BAG4: variants seen among roughly 807,000 people sequenced by gnomAD.
BAG4 encodes the protein BAG family molecular chaperone regulator 4.
BAG4 carries 28 observed loss-of-function variants against 52.1 expected under a neutral mutation model. The ratio of observed to expected loss-of-function variants is 0.54; its 90% CI spans 0.40 to 0.74. BAG4 has a LOEUF of 0.74. Ranked by LOEUF, BAG4 falls within the 30% of genes least tolerant of loss-of-function variation. The probability of loss-of-function intolerance (pLI) is 0.00; values close to 1 mark genes in which losing one functional copy is unlikely to be tolerated. For missense variants in BAG4, 525 were observed against 572.0 expected, an observed-to-expected ratio of 0.92 and a Z score of 0.84; for synonymous variants, 208 against 217.0, an observed-to-expected ratio of 0.96 and a Z score of 0.37.
intron 1 of BAG4, among the ~76,000 whole-genome samples, chr8:38,183,036 CTTTTTTT>C (rs539995423): frequency 1.0e-5 from 1 of 100,102 alleles, no homozygotes; most frequent in Non-Finnish European, 2.1e-5. Flanking sequence ...ACTGACCCAT[CTTTTTTT>C]TTTTTTTTTT....
At chr8:38,185,586 C>T (rs539724128) in intron 1 of BAG4, among the ~76,000 whole-genome samples, 3 of 152,208 alleles carry the variant, frequency 2.0e-5, no homozygotes, top group Admixed American at 1.3e-4. Flanking sequence ...GACAGAGTCT[C>T]GCTCTGTCAC....
chr8:38,187,059 A>G (rs527577057), intron 1 of BAG4, among the ~76,000 whole-genome samples: 53 of 152,344 alleles, frequency 3.5e-4, no homozygotes, highest in African/African-American at 1.2e-3. Context: ...AAGACACAGG[A>G]AAGTATGACC....
intron 1 of BAG4, among the ~76,000 whole-genome samples, chr8:38,187,261 TA>T (rs1803378283): frequency 1.3e-5 from 2 of 152,256 alleles, no homozygotes; most frequent in South Asian, 4.1e-4. Flanking sequence ...ATAGCAATTA[TA>T]TATTAAAAAA....
chr8:38,187,659 A>G (rs983884474), intron 1 of BAG4, among the ~76,000 whole-genome samples: 2 of 152,254 alleles, frequency 1.3e-5, no homozygotes, highest in African/African-American at 4.8e-5. Flanking sequence ...AGACTTATAT[A>G]GGAATAGCAT....
intron 1 of BAG4, among the ~76,000 whole-genome samples, 191 bp from the exon 2 acceptor site, chr8:38,192,497 A>G (rs1279026543): frequency 6.6e-6 from 1 of 151,730 alleles, no homozygotes; most frequent in Non-Finnish European, 1.5e-5. Context: ...AGACTCAATC[A>G]CCTGAGCTCA....
intron 1 of BAG4, among the ~76,000 whole-genome samples, chr8:38,182,827 C>T (rs913052720): frequency 2.0e-5 from 3 of 151,912 alleles, no homozygotes; most frequent in Non-Finnish European, 2.9e-5. Flanking sequence ...AAGACAAAGA[C>T]ATTATTTTTT....
rs1180491940 is a variant in BAG4, at chr8:38,209,155, C to T, written c.776C>T (p.Ser259Leu). The T allele has an allele frequency of 1.2e-6, 2 of 1,614,170 alleles. No homozygotes were observed. The highest frequency in any genetic ancestry group is 1.7e-6 in the Non-Finnish European group (2 of 1,180,042). Residue 259 changes from serine to leucine, a missense_variant, in exon 4 of 5, where the codon TCA becomes TTA. Coordinates refer to ENST00000287322, the MANE Select transcript of BAG4 (RefSeq NM_004874.4). ...ATGGGTGGCCGTTATCCCTGGCCTT[C>T]ATCAGCGCCCTCAGCACCACCCGGC... ...YGMGGRYPWP[S>L]SAPSAPPGNL...
At chr8:38,195,750 T>C (rs1347941649) in intron 2 of BAG4, among the ~76,000 whole-genome samples, 3 of 152,224 alleles carry the variant, frequency 2.0e-5, no homozygotes, top group Admixed American at 6.5e-5. Flanking sequence ...TATTGCTAAA[T>C]GTTACATAGT....
At chr8:38,198,494 G>GTTT (rs368761607) in intron 2 of BAG4, among the ~76,000 whole-genome samples, 2 of 106,790 alleles carry the variant, frequency 1.9e-5, no homozygotes, top group African/African-American at 3.6e-5. Flanking sequence ...TTTGTTTTTT[G>GTTT]TTTTTTTTTT....
At chr8:38,188,647 GTATACATATATACA>G (rs1294293254) in intron 1 of BAG4, among the ~76,000 whole-genome samples, 1 of 304 alleles carries the variant, frequency 3.3e-3, no homozygotes, top group African/African-American at 7.4e-3. Context: ...ATATATACAT[GTATACATATATACA>G]TGTATACATA....
chr8:38,191,238 T>C (rs117380772), intron 1 of BAG4, among the ~76,000 whole-genome samples: 1 of 152,284 alleles, frequency 6.6e-6, no homozygotes, highest in East Asian at 1.9e-4. Context: ...GCAACTATAA[T>C]ACCCGCATAA....
chr8:38,188,512 C>A, intron 1 of BAG4, among the ~76,000 whole-genome samples: 1 of 151,114 alleles, frequency 6.6e-6, no homozygotes. Context: ...CACATGTATC[C>A]CAAAAATATG....
intron 2 of BAG4, among the ~76,000 whole-genome samples, chr8:38,205,844 T>TA (rs1419921512): frequency 2.6e-5 from 4 of 152,148 alleles, no homozygotes; most frequent in African/African-American, 9.7e-5. Flanking sequence ...TTTTAAAGGG[T>TA]AAAGTAGAAA....
At chr8:38,195,637 A>G in intron 2 of BAG4, among the ~76,000 whole-genome samples, 1 of 152,190 alleles carries the variant, frequency 6.6e-6, no homozygotes, top group East Asian at 1.9e-4. Context: ...TTGATCAGAG[A>G]TAATGGAATG....
At chr8:38,204,697 AT>A (rs1371722689) in intron 2 of BAG4, among the ~76,000 whole-genome samples, 3 of 152,102 alleles carry the variant, frequency 2.0e-5, no homozygotes, top group African/African-American at 7.2e-5. Flanking sequence ...AAGAAAAAAA[AT>A]AAACAACAAA....
chr8:38,177,031 G>A lies in BAG4; in HGVS notation c.162G>A (p.Gly54=). 1.2e-6 allele frequency: 2 copies of A among 1,604,526 alleles called. No individual in the cohort carries two copies. The highest frequency in any genetic ancestry group is 1.7e-6 in the Non-Finnish European group (2 of 1,175,866). ...CTCCCATTTCCTGGCGGGTGCGCGG[G>A]GGCGGCCCGGCGGAGACCACCTGGC... ...PQPPISWRVR[G]GGPAETTWLG... is the part of the protein sequence containing the mutation. The change falls in exon 1 of 5, where the codon GGG becomes GGA. Residue 54 remains glycine, a synonymous_variant. Coordinates refer to ENST00000287322, the MANE Select transcript of BAG4 (RefSeq NM_004874.4).
chr8:38,198,876 C>G (rs1223622636), intron 2 of BAG4, among the ~76,000 whole-genome samples: 3 of 152,078 alleles, frequency 2.0e-5, no homozygotes, highest in African/African-American at 7.2e-5. Context: ...TCATCAGTAT[C>G]ACTGTCTTTC....
At chr8:38,205,289 A>G (rs1043025466) in intron 2 of BAG4, among the ~76,000 whole-genome samples, 3 of 143,944 alleles carry the variant, frequency 2.1e-5, no homozygotes, top group South Asian at 4.3e-4. Flanking sequence ...GGCTCAAGCA[A>G]TCCTCCCACC....
In BAG4 at chr8:38,188,621, GTACACATATATATACATA is replaced by G; in HGVS notation, c.271-4064_271-4047del. The stretch of plus-strand genomic sequence containing the variant: ...TATGCATGTATACATATATATACAT[GTACACATATATATACATA>G]TATACATGTATACATATATACATGT... On this transcript the variant is annotated intron_variant, in intron 1 of 4. Coordinates refer to ENST00000287322, the MANE Select transcript of BAG4 (RefSeq NM_004874.4). Among the ~76,000 whole-genome samples, 3 of 145,898 alleles carry G rather than the reference GTACACATATATATACATA, an allele frequency of 2.1e-5. No individual in the cohort carries two copies. The East Asian group carries it at 6.0e-4, about 29-fold the overall frequency.
Sources: allele counts gnomAD v4.1 joint callset (sites outside exome capture counted in the v4.1 genomes callset), GRCh38; gene constraint gnomAD v4.1.1; transcripts MANE v1.5; gene names NCBI Gene and HGNC (gene_info 2026-07-23, HGNC 2026-07-21).